The following CX3CR1 variants were observed in gnomAD, a reference collection of about 807,000 sequenced individuals.
The protein encoded by CX3CR1 is CX3C chemokine receptor 1.
For missense variants in CX3CR1, 363 were observed against 432.4 expected (o/e 0.84, Z 1.42); for synonymous variants, 168 against 178.5 (o/e 0.94, Z 0.47).
rs2040669011 is a variant in CX3CR1, at chr3:39,264,649, G to A, written c.*793C>T. The A allele has an allele frequency of 6.6e-6, 1 of 152,382 alleles. No individual in the cohort carries two copies. The highest frequency in any genetic ancestry group is 2.4e-5 in the African/African-American group (1 of 41,456). The allele number at this position is 152,382 out of a possible 1,614,324, so 9.4% of individuals were successfully genotyped here. On this transcript the variant is annotated 3_prime_UTR_variant, in exon 2 of 2. Coordinates refer to ENST00000399220, the MANE Select transcript of CX3CR1 (RefSeq NM_001337.4). ...TTTGAGTTTTGACTCGATGCAGTAG[G>A]CAGTGGGGAGCCCTTGCAGGTTTGG...
upstream of CX3CR1, among the ~76,000 whole-genome samples, chr3:39,285,060 A>G (rs960539686): frequency 2.6e-5 from 4 of 152,172 alleles, no homozygotes; most frequent in Non-Finnish European, 4.4e-5. Context: ...TAAGAGGAGA[A>G]AAGATCAGAC....
chr3:39,281,050 C>T (rs1387504024), upstream of CX3CR1: 8 of 988,112 alleles, frequency 8.1e-6, no homozygotes, highest in Non-Finnish European at 8.4e-6. Flanking sequence ...TACCTCTAGT[C>T]GCTGTGGTGT....
intron 1 of CX3CR1, among the ~76,000 whole-genome samples, chr3:39,273,605 C>A (rs1432214033): frequency 2.0e-5 from 3 of 152,200 alleles, no homozygotes; most frequent in African/African-American, 7.2e-5. Context: ...CTTGCTAGCT[C>A]TGGCATGCTC....
chr3:39,283,793 AATTATATAT>A (rs1239655037), upstream of CX3CR1, among the ~76,000 whole-genome samples: 1 of 63,930 alleles, frequency 1.6e-5, no homozygotes, highest in Non-Finnish European at 2.9e-5. Context: ...AAAAAAAAAA[AATTATATAT>A]ATATATATAT....
rs56181422 is a variant in CX3CR1 at position 39,265,456 on chromosome 3, A to T, written c.1054T>A (p.Leu352Met). The change falls in exon 2 of 2, where the codon TTG becomes ATG. Residue 352 changes from leucine to methionine, a missense_variant. By Grantham distance (15) the Leu-to-Met change is conservative. Coordinates refer to ENST00000399220, the MANE Select transcript of CX3CR1 (RefSeq NM_001337.4). ...TGGGATTCCCTTCAGAGAAGGAGCAATGCATCTCCATCACTCGTGTGGTAA... is the reference window on the plus strand; with the variant it reads ...TGGGATTCCCTTCAGAGAAGGAGCATTGCATCTCCATCACTCGTGTGGTAA... Reference protein sequence around the residue: ...FTYHTSDGDALLLL With the variant: ...FTYHTSDGDAMLLL The T allele has an allele frequency of 2.9e-5, 47 of 1,609,920 alleles. No homozygotes were observed. In the Admixed American group the frequency reaches 6.3e-4, roughly 22 times the overall value.
upstream of CX3CR1, among the ~76,000 whole-genome samples, chr3:39,282,864 A>C (rs74522522): frequency 6.6e-6 from 1 of 152,144 alleles, no homozygotes; most frequent in Non-Finnish European, 1.5e-5. Context: ...TAGTGCCCCC[A>C]GTGACCCTAT....
chr3:39,289,210 G>A, the CX3CR1 span, among the ~76,000 whole-genome samples: 1 of 152,108 alleles, frequency 6.6e-6, no homozygotes, highest in Non-Finnish European at 1.5e-5. Flanking sequence ...GATTAATGGT[G>A]ACATGTGTAA....
chr3:39,288,767 A>G, the CX3CR1 span, among the ~76,000 whole-genome samples: 1 of 152,136 alleles, frequency 6.6e-6, no homozygotes, highest in South Asian at 2.1e-4. Flanking sequence ...CCGGCCCACA[A>G]TTACCTGGAA....
upstream of CX3CR1, chr3:39,280,453 C>A: frequency 3.0e-6 from 3 of 985,528 alleles, no homozygotes; most frequent in Non-Finnish European, 2.4e-6. Flanking sequence ...GTCCCAGGCA[C>A]TGGGAGCTTA....
At chr3:39,281,730 C>G (rs146251729), upstream of CX3CR1, 102 of 1,494,996 alleles carry the variant, frequency 6.8e-5, no homozygotes, top group African/African-American at 1.1e-3. Context: ...AAGCACGGCC[C>G]GCCCCTTCTC....
the CX3CR1 span, among the ~76,000 whole-genome samples, chr3:39,292,702 G>A: frequency 6.6e-6 from 1 of 152,186 alleles, no homozygotes; most frequent in African/African-American, 2.4e-5. Flanking sequence ...TGAGGATAAG[G>A]AGGCTCAGAA....
intron 1 of CX3CR1, among the ~76,000 whole-genome samples, chr3:39,269,635 T>A (rs1252948573): frequency 6.6e-6 from 1 of 152,258 alleles, no homozygotes; most frequent in Non-Finnish European, 1.5e-5. Context: ...TGGCTGGTTA[T>A]GGGCATCCAT....
chr3:39,283,737 G>A (rs766945909), upstream of CX3CR1, among the ~76,000 whole-genome samples: 10 of 137,454 alleles, frequency 7.3e-5, no homozygotes, highest in South Asian at 4.7e-4. Context: ...CCGAGATAGC[G>A]CCACTGCACT....
chr3:39,274,386 T>C (rs1481002489), intron 1 of CX3CR1, among the ~76,000 whole-genome samples: 1 of 147,742 alleles, frequency 6.8e-6, no homozygotes, highest in South Asian at 2.1e-4. Flanking sequence ...TCTATTCCTA[T>C]AGCAATGAGC....
the CX3CR1 span, among the ~76,000 whole-genome samples, chr3:39,290,705 A>C: frequency 2.1e-4 from 32 of 152,252 alleles, no homozygotes; most frequent in Non-Finnish European, 4.1e-4. Flanking sequence ...GCAGATGACG[A>C]GGTCAGGAGT....
At chr3:39,284,097 C>A (rs1575213475), upstream of CX3CR1, among the ~76,000 whole-genome samples, 1 of 151,544 alleles carries the variant, frequency 6.6e-6, no homozygotes, top group South Asian at 2.1e-4. Context: ...CGCTATGTAC[C>A]CCGCCACACA....
Position 39,265,354 on chromosome 3 carries a change from G to T in CX3CR1, c.*88C>A. On this transcript the variant is annotated 3_prime_UTR_variant, in exon 2 of 2. Coordinates refer to ENST00000399220, the MANE Select transcript of CX3CR1 (RefSeq NM_001337.4). ...TGGGTCCATCATTTTGTGCCTGTAA[G>T]AAATAACAACAAAAATCTTTCCTCA... The T allele has an allele frequency of 7.1e-7, 1 of 1,398,756 alleles. No homozygotes were observed. The highest frequency in any genetic ancestry group is 9.7e-7 in the Non-Finnish European group (1 of 1,031,132). The allele number at this position is 1,398,756 out of a possible 1,614,324, so 86.6% of individuals were successfully genotyped here.
chr3:39,266,431 C>A lies in CX3CR1; in HGVS notation c.79G>T (p.Val27Leu), dbSNP rs200139865. The change falls in exon 2 of 2, where the codon GTG (valine) becomes TTG (leucine). Residue 27 changes from valine to leucine, a missense_variant. Transcript: ENST00000399220. The part of the protein sequence containing the change: ...LAEACYIGDI[V>L]VFGTVFLSIF... ...GACAGGAACACAGTCCCAAAGACCA[C>A]GATGTCCCCAATATAACAGGCCTCA... 1.9e-6 allele frequency: 3 copies of A among 1,614,084 alleles called. No homozygotes were observed. Among genetic ancestry groups the A allele is most frequent in the Non-Finnish European group, 2.5e-6 (3 of 1,180,050 alleles).
chr3:39,280,409 C>T (rs970887622), upstream of CX3CR1: 2 of 985,406 alleles, frequency 2.0e-6, no homozygotes, highest in African/African-American at 3.5e-5. Context: ...CTGGACCACA[C>T]TGGGGCACAC....
Sources: gnomAD v4.1 joint callset for allele counts (sites outside exome capture counted in the v4.1 genomes callset) on GRCh38, gnomAD v4.1.1 for gene constraint, MANE v1.5 for transcripts, NCBI Gene and HGNC (gene_info 2026-07-23, HGNC 2026-07-21) for gene names.